The following TNNI3K variants were observed in gnomAD, a reference collection of about 807,000 sequenced individuals.
TNNI3K encodes serine/threonine-protein kinase TNNI3K.
In TNNI3K, 140 loss-of-function variants were observed where a neutral mutation model predicts 114.5. The observed-to-expected ratio is 1.22, with a 90% CI of 1.07 to 1.41. The LOEUF is 1.41. Ranked by LOEUF, TNNI3K falls within the 40% of genes most tolerant of loss-of-function variation. The pLI, the probability that TNNI3K is intolerant of heterozygous loss-of-function variation, is 0.00. For missense variants in TNNI3K, 1,125 were observed against 1,007.6 expected (o/e 1.12, Z -1.58); for synonymous variants, 347 against 347.5 (o/e 1.00, Z 0.02).
intron 17 of TNNI3K, chr1:74,375,574 A>C (rs1662864820): frequency 2.2e-6 from 1 of 455,482 alleles, no homozygotes; most frequent in African/African-American, 2.0e-5. Flanking sequence ...GATGCTGTAC[A>C]GGATGGCTCA....
chr1:74,423,397 C>T (rs934874209), intron 17 of TNNI3K, among the ~76,000 whole-genome samples: 103 of 152,220 alleles, frequency 6.8e-4, no homozygotes, highest in African/African-American at 2.4e-3. Flanking sequence ...AATTAGAAAT[C>T]TAGGCCATAC....
intron 17 of TNNI3K, among the ~76,000 whole-genome samples, chr1:74,400,356 T>G (rs1002387012): frequency 6.6e-6 from 1 of 152,202 alleles, no homozygotes; most frequent in Admixed American, 6.5e-5. Flanking sequence ...GGTAACTGAC[T>G]TGAGGCTGAC....
At chr1:74,316,364 A>C (rs1205634818) in intron 5 of TNNI3K, among the ~76,000 whole-genome samples, 1 of 152,110 alleles carries the variant, frequency 6.6e-6, no homozygotes, top group Middle Eastern at 3.2e-3. Context: ...GAGATATGCC[A>C]CTCTGCTGTT....
intron 5 of TNNI3K, among the ~76,000 whole-genome samples, chr1:74,282,178 G>T (rs911144516): frequency 7.9e-5 from 12 of 151,948 alleles, no homozygotes; most frequent in Non-Finnish European, 1.5e-4. Context: ...AGTAGAGTTA[G>T]ATTAGAACAC....
intron 2 of TNNI3K, among the ~76,000 whole-genome samples, chr1:74,241,484 A>C (rs2100830016): frequency 6.6e-6 from 1 of 152,302 alleles, no homozygotes; most frequent in East Asian, 1.9e-4. Context: ...AACTGGTGTG[A>C]GATGGTATCT....
At chr1:74,326,359 A>AT (rs1659902647) in intron 5 of TNNI3K, among the ~76,000 whole-genome samples, 1 of 152,124 alleles carries the variant, frequency 6.6e-6, no homozygotes, top group African/African-American at 2.4e-5. Context: ...CCTTAAAATA[A>AT]AAGAGAGGGA....
intron 5 of TNNI3K, among the ~76,000 whole-genome samples, chr1:74,296,372 T>G (rs537251675): frequency 2.0e-5 from 3 of 152,184 alleles, no homozygotes; most frequent in Non-Finnish European, 2.9e-5. Context: ...CTTTAAAGTA[T>G]ACCTCTCACT....
At chr1:74,325,036 C>T (rs1212864684) in intron 5 of TNNI3K, among the ~76,000 whole-genome samples, 3 of 152,190 alleles carry the variant, frequency 2.0e-5, no homozygotes, top group African/African-American at 7.2e-5. Context: ...CAGCTGTTCT[C>T]TGACACTGAG....
At chr1:74,381,460 C>T (rs1009892664) in intron 17 of TNNI3K, among the ~76,000 whole-genome samples, 2 of 152,000 alleles carry the variant, frequency 1.3e-5, no homozygotes, top group African/African-American at 4.8e-5. Flanking sequence ...GCCCTAGTTG[C>T]CCTCCTGAAT....
rs143944883 is a variant in TNNI3K, at chr1:74,272,560, A to T, written c.444+852A>T. Among the ~76,000 whole-genome samples, 25 of 152,000 alleles carry T rather than the reference A, an allele frequency of 1.6e-4. No individual in the cohort carries two copies. The East Asian group carries it at 4.8e-3, about 29-fold the overall frequency. The stretch of plus-strand genomic sequence containing the variant: ...AAAAGGCTGGGTGTGTTTGAGGGAC[A>T]TGATTGAGCCAGAGTTGTTAGAGTG... On this transcript the variant is annotated intron_variant, in intron 5 of 24. Transcript: ENST00000326637.
intron 6 of TNNI3K, 129 bp from the exon 7 acceptor site, chr1:74,335,882 T>G: frequency 2.1e-6 from 2 of 948,002 alleles, no homozygotes; most frequent in Non-Finnish European, 3.0e-6. Flanking sequence ...GTTCCAGTTT[T>G]GGACTTCTTG....
At position 74,249,474 on chromosome 1, in the gene TNNI3K, C is replaced by A. The variant is rs748943581; in HGVS notation, c.165C>A (p.Phe55Leu). Residue 55 changes from phenylalanine (F) to leucine (L), a missense_variant, in exon 3 of 25, where the codon TTC becomes TTA. By Grantham distance (22) the Phe-to-Leu change is conservative (BLOSUM62 0). Transcript: ENST00000326637. ...LRNIFGSDEA[F>L]SKVNLNYRTE... ...TTTTTTTCAGCTCTGATGAAGCCTT[C>A]AGTAAAGTCAATTTAAATTACCGCA... 1.2e-6 allele frequency: 2 copies of A among 1,613,230 alleles called. No homozygotes were observed. The highest frequency in any genetic ancestry group is 1.7e-6 in the Non-Finnish European group (2 of 1,179,634).
chr1:74,357,981 C>A (rs1006927309), intron 11 of TNNI3K, among the ~76,000 whole-genome samples: 1 of 152,120 alleles, frequency 6.6e-6, no homozygotes, highest in African/African-American at 2.4e-5. Flanking sequence ...AAAAGACCTA[C>A]ACATAATCTT....
intron 4 of TNNI3K, among the ~76,000 whole-genome samples, chr1:74,260,011 CA>C (rs1344508044): frequency 1.3e-5 from 2 of 152,124 alleles, no homozygotes; most frequent in African/African-American, 2.4e-5. Context: ...AACAGTTCCA[CA>C]TGTCTTTATT....
At position 74,415,268 on chromosome 1, in the gene TNNI3K, GC is replaced by G. The variant is rs1286982982; in HGVS notation, c.1773-20810del. Among the ~76,000 whole-genome samples, 3 of 152,042 alleles carry G rather than the reference GC, an allele frequency of 2.0e-5. No homozygotes were observed. In the East Asian group the frequency reaches 5.8e-4, roughly 29 times the overall value. ...TTCCCTGACCATTATAGGTCAAATA[GC>G]CACCCCCACCCTTGCAGCTTTTCCT... On this transcript the variant is annotated intron_variant, in intron 17 of 24. Transcript: ENST00000326637.
rs574580455 is a variant in TNNI3K at position 74,498,921 on chromosome 1, T to G, written c.2351+6655T>G. On this transcript the variant is annotated intron_variant, in intron 23 of 24. Transcript: ENST00000326637. Reference sequence around the variant, plus strand: ...TGTTCCTTCAAAGGTAGATTTCATGTGCAGAGCATTAATATGACGCTTATT... The same window carrying G: ...TGTTCCTTCAAAGGTAGATTTCATGGGCAGAGCATTAATATGACGCTTATT... 2.0e-5 allele frequency among the ~76,000 whole-genome samples: 3 copies of G among 152,336 alleles called. No individual in the cohort carries two copies. In the South Asian group the frequency reaches 6.2e-4, roughly 32 times the overall value.
In TNNI3K at chr1:74,521,595, G is replaced by T. The variant is rs45614131; in HGVS notation, c.2352-18639G>T. ...CTATTTCCATAAAGCCTTTTTCTGC[G>T]TTCCTTTATTTAGCAAATGATTGGT... On this transcript the variant is annotated intron_variant, in intron 23 of 24. Transcript: ENST00000326637. Among the ~76,000 whole-genome samples the T allele has an allele frequency of 3.3e-5, 5 of 151,888 alleles. No individual in the cohort carries two copies. The East Asian group carries it at 7.7e-4, about 24-fold the overall frequency.
intron 6 of TNNI3K, among the ~76,000 whole-genome samples, 184 bp downstream of exon 6, chr1:74,331,732 T>C (rs1024719601): frequency 6.6e-6 from 1 of 152,228 alleles, no homozygotes; most frequent in African/African-American, 2.4e-5. Context: ...ATGTTACTCA[T>C]TTTTGCTGAT....
At chr1:74,397,320 A>G (rs1229880620) in intron 17 of TNNI3K, among the ~76,000 whole-genome samples, 2 of 152,156 alleles carry the variant, frequency 1.3e-5, no homozygotes, top group Non-Finnish European at 2.9e-5. Flanking sequence ...AGAGTACAAG[A>G]GGAAGAAAGA....
Sources: allele counts gnomAD v4.1 joint callset (sites outside exome capture counted in the v4.1 genomes callset), GRCh38; gene constraint gnomAD v4.1.1; transcripts MANE v1.5; gene names NCBI Gene and HGNC (gene_info 2026-07-23, HGNC 2026-07-21).